EPYC: variants seen among roughly 807,000 people sequenced by gnomAD.
The protein encoded by EPYC is dermatan sulfate proteoglycan 3.
A neutral mutation model predicts 30.1 loss-of-function variants in EPYC; 28 were observed. The observed-to-expected ratio is 0.93, with a 90% CI of 0.69 to 1.28. The LOEUF (loss-of-function observed/expected upper bound fraction) is 1.28, where lower values mean the gene tolerates loss of function less well. Among genes scored for constraint, EPYC ranks in the 50% most tolerant of loss-of-function variants. The probability of loss-of-function intolerance (pLI) is 0.00; values close to 1 mark genes in which losing one functional copy is unlikely to be tolerated. For synonymous variants in EPYC, 144 were observed against 141.4 expected, an observed-to-expected ratio of 1.02 and a Z score of -0.13; for missense variants, 382 against 383.5, an observed-to-expected ratio of 1.00 and a Z score of 0.03.
intron 5 of EPYC, 76 bp from the exon 6 acceptor site, chr12:90,970,215 T>G: frequency 9.8e-7 from 1 of 1,023,738 alleles, no homozygotes; most frequent in Non-Finnish European, 1.5e-6. Context: ...CACAGCTGTA[T>G]TTCCCATTCC....
chr12:90,970,237 G>C (rs1877006712), intron 5 of EPYC, 98 bp from the exon 6 acceptor site: 2 of 844,740 alleles, frequency 2.4e-6, no homozygotes, highest in South Asian at 1.7e-5. Flanking sequence ...TCTACATGCA[G>C]ATATTTGTAA....
At position 90,998,250 on chromosome 12, in the gene EPYC, C is replaced by G. The variant is rs553441175; in HGVS notation, c.165+4151G>C. On this transcript the variant is annotated intron_variant, in intron 2 of 6. Transcript: ENST00000261172. ...AAAAGTCTACATTTTGATCATATAG[C>G]CTACAACCCATTCCTATTCACAGCA... 8.5e-5 allele frequency among the ~76,000 whole-genome samples: 13 copies of G among 152,120 alleles called. 1 individual carries two copies. Among genetic ancestry groups the G allele is most frequent in the Middle Eastern group, 6.8e-3 (2 of 292 alleles).
chr12:90,989,633 G>A (rs919618300), intron 2 of EPYC, among the ~76,000 whole-genome samples: 8 of 151,912 alleles, frequency 5.3e-5, no homozygotes, highest in Non-Finnish European at 1.2e-4. Flanking sequence ...AAAGAAATAA[G>A]AGCTGATTTT....
In EPYC at chr12:90,992,345, T is replaced by C. The variant is rs529918954; in HGVS notation, c.165+10056A>G. ...GTTAAGAACTGCACAGGCAGGGGAT[T>C]AGAAATTCCTGCTTCAGGTGAAAAA... On this transcript the variant is annotated intron_variant, in intron 2 of 6. Coordinates refer to ENST00000261172, the MANE Select transcript of EPYC (RefSeq NM_004950.5). Among the ~76,000 whole-genome samples the C allele has an allele frequency of 3.3e-5, 5 of 152,258 alleles. No homozygotes were observed. In the East Asian group the frequency reaches 7.7e-4, roughly 24 times the overall value.
chr12:90,981,725 A>G (rs149582437), intron 2 of EPYC, among the ~76,000 whole-genome samples: 5 of 152,270 alleles, frequency 3.3e-5, no homozygotes, highest in African/African-American at 1.2e-4. Context: ...TGATTGCTTC[A>G]TTATCCACTG....
intron 6 of EPYC, among the ~76,000 whole-genome samples, chr12:90,966,338 ATAT>A (rs1434931868): frequency 6.6e-6 from 1 of 151,994 alleles, no homozygotes; most frequent in African/African-American, 2.4e-5. Context: ...TTTTTTAGTA[ATAT>A]TATAATAAAA....
chr12:91,001,591 C>T (rs1248343275), intron 2 of EPYC, among the ~76,000 whole-genome samples: 1 of 152,070 alleles, frequency 6.6e-6, no homozygotes, highest in Non-Finnish European at 1.5e-5. Context: ...GGGCTACAAC[C>T]TTGCCAATTT....
chr12:90,969,273 A>G (rs985558979), intron 6 of EPYC, among the ~76,000 whole-genome samples: 11 of 152,054 alleles, frequency 7.2e-5, no homozygotes, highest in African/African-American at 2.6e-4. Context: ...TTTTCTCTAT[A>G]TATTTATTCC....
chr12:90,975,340 T>G (rs1877156213), intron 3 of EPYC, among the ~76,000 whole-genome samples: 1 of 152,034 alleles, frequency 6.6e-6, no homozygotes. Context: ...TTCTAAGTTT[T>G]TCTACACCTA....
At chr12:91,000,482 T>C (rs993455873) in intron 2 of EPYC, among the ~76,000 whole-genome samples, 9 of 152,072 alleles carry the variant, frequency 5.9e-5, no homozygotes, top group African/African-American at 2.2e-4. Context: ...CCTACAGCTT[T>C]ATGGGCAGTG....
chr12:90,994,264 A>T (rs1204365096), intron 2 of EPYC, among the ~76,000 whole-genome samples: 1 of 152,210 alleles, frequency 6.6e-6, no homozygotes, highest in Non-Finnish European at 1.5e-5. Flanking sequence ...TGTGATCATC[A>T]GCACATAAGC....
chr12:90,987,721 A>G (rs1429991884), intron 2 of EPYC, among the ~76,000 whole-genome samples: 1 of 152,188 alleles, frequency 6.6e-6, no homozygotes, highest in Non-Finnish European at 1.5e-5. Flanking sequence ...TGGAAAAATT[A>G]TACACCTAGT....
chr12:90,980,602 A>C (rs1050061471), intron 2 of EPYC, among the ~76,000 whole-genome samples: 4 of 152,304 alleles, frequency 2.6e-5, no homozygotes, highest in African/African-American at 7.2e-5. Context: ...TAGTCCAGGG[A>C]AACAAGACCA....
At chr12:90,999,670 TACC>T (rs1345378538) in intron 2 of EPYC, among the ~76,000 whole-genome samples, 1 of 152,070 alleles carries the variant, frequency 6.6e-6, no homozygotes, top group African/African-American at 2.4e-5. Flanking sequence ...TAAATATGCT[TACC>T]ACGAGTCACT....
chr12:90,995,446 A>G (rs1479204830), intron 2 of EPYC, among the ~76,000 whole-genome samples: 1 of 152,110 alleles, frequency 6.6e-6, no homozygotes, highest in Admixed American at 6.6e-5. Flanking sequence ...AGAAGTAAAG[A>G]TAAAACAGAA....
At chr12:90,985,977 C>G (rs762640701) in intron 2 of EPYC, among the ~76,000 whole-genome samples, 6 of 152,280 alleles carry the variant, frequency 3.9e-5, no homozygotes, top group Middle Eastern at 3.4e-3. Context: ...CTGGGACAGC[C>G]TGTAACCAGG....
chr12:90,995,376 C>T (rs1403220274), intron 2 of EPYC, among the ~76,000 whole-genome samples: 3 of 151,830 alleles, frequency 2.0e-5, no homozygotes, highest in Admixed American at 2.0e-4. Flanking sequence ...TTTTCTGATT[C>T]TTAATAATCA....
chr12:90,991,961 G>A (rs772128158), intron 2 of EPYC, among the ~76,000 whole-genome samples: 2 of 152,094 alleles, frequency 1.3e-5, no homozygotes, highest in South Asian at 2.1e-4. Flanking sequence ...GGCTCCTGGG[G>A]GCACAGACTT....
At chr12:90,976,099 G>A (rs1354515171) in intron 3 of EPYC, among the ~76,000 whole-genome samples, 2 of 152,002 alleles carry the variant, frequency 1.3e-5, no homozygotes, top group East Asian at 3.9e-4. Flanking sequence ...GGATGAAAGG[G>A]CAACTTTTCA....
Sources: gnomAD v4.1 joint callset for allele counts (sites outside exome capture counted in the v4.1 genomes callset) on GRCh38, gnomAD v4.1.1 for gene constraint, MANE v1.5 for transcripts, NCBI Gene and HGNC (gene_info 2026-07-23, HGNC 2026-07-21) for gene names.